ZFHX4: variants seen among roughly 807,000 people sequenced by gnomAD.
ZFHX4 encodes the protein zinc finger homeobox 4, also known as zinc finger homeobox protein 4.
Under a neutral mutation model 267.6 loss-of-function variants are expected in ZFHX4, and 56 were observed. The observed-to-expected ratio is 0.21, with a 90% CI of 0.17 to 0.26. The LOEUF is 0.26. Among genes scored for constraint, ZFHX4 ranks in the 10% least tolerant of loss-of-function variants. The pLI is 1.00. For synonymous variants in ZFHX4, 1,778 were observed against 1,665.6 expected, an observed-to-expected ratio of 1.07 and a Z score of -1.64; for missense variants, 4,332 against 4,420.0, an observed-to-expected ratio of 0.98 and a Z score of 0.56.
chr8:76,848,929 A>G (rs1387714713), intron 6 of ZFHX4, 66 bp from the exon 7 acceptor site: 3 of 1,411,010 alleles, frequency 2.1e-6, no homozygotes, highest in Admixed American at 3.3e-5. Context: ...TGTTTGAAAA[A>G]CATAATTTTT....
At chr8:76,740,170 T>C (rs2131680885) in intron 3 of ZFHX4, among the ~76,000 whole-genome samples, 1 of 152,268 alleles carries the variant, frequency 6.6e-6, no homozygotes, top group Admixed American at 6.6e-5. Flanking sequence ...GAGTCTTGTG[T>C]AAGGTTCATC....
At chr8:76,747,945 CA>C (rs1809506710) in intron 3 of ZFHX4, among the ~76,000 whole-genome samples, 1 of 151,862 alleles carries the variant, frequency 6.6e-6, no homozygotes, top group East Asian at 1.9e-4. Flanking sequence ...AACAAACAAA[CA>C]AACAAACAAA....
At chr8:76,733,137 C>T (rs74889166) in intron 3 of ZFHX4, among the ~76,000 whole-genome samples, 4 of 151,794 alleles carry the variant, frequency 2.6e-5, no homozygotes, top group African/African-American at 2.4e-5. Flanking sequence ...TCAGGGGTGG[C>T]GGTTTGGGGG....
Position 76,854,027 on chromosome 8 carries a change from A to G in ZFHX4, c.7106A>G (p.Gln2369Arg). ...VVYKHCTVSGQTDAAKNAAAP... is the reference protein window; with the variant it reads ...VVYKHCTVSGRTDAAKNAAAP... ...TACAAGCATTGCACAGTGTCTGGCCAAACGGATGCAGCTAAAAACGCTGCT... is the reference window on the plus strand; with the variant it reads ...TACAAGCATTGCACAGTGTCTGGCCGAACGGATGCAGCTAAAAACGCTGCT... Residue 2369 changes from glutamine (Q) to arginine (R), a missense_variant, in exon 10 of 11, where the codon CAA becomes CGA. Transcript: ENST00000651372. 6.2e-7 allele frequency: 1 copy of G among 1,613,962 alleles called. No homozygotes were observed. The highest frequency in any genetic ancestry group is 8.5e-7 in the Non-Finnish European group (1 of 1,179,868).
chr8:76,852,740 G>T lies in ZFHX4; in HGVS notation c.5819G>T (p.Gly1940Val), dbSNP rs1812570919. 1 of 1,613,710 alleles carries T rather than the reference G, an allele frequency of 6.2e-7. No homozygotes were observed. Among genetic ancestry groups the T allele is most frequent in the African/African-American group, 1.3e-5 (1 of 75,036 alleles). Residue 1940 changes from glycine (G) to valine (V), a missense_variant, in exon 10 of 11, where the codon GGC becomes GTC. Coordinates refer to ENST00000651372, the MANE Select transcript of ZFHX4 (RefSeq NM_024721.5). ...CAGAAGAAGGGCAAAAGTGGTGAAGGCGAAAACACTGACAAACTAGAATGT... is the reference window on the plus strand; with the variant it reads ...CAGAAGAAGGGCAAAAGTGGTGAAGTCGAAAACACTGACAAACTAGAATGT... The part of the protein sequence containing the change: ...KVQKKGKSGE[G>V]ENTDKLECGT...
intron 5 of ZFHX4, among the ~76,000 whole-genome samples, chr8:76,838,154 C>T (rs1268468662): frequency 6.6e-6 from 1 of 152,162 alleles, no homozygotes; most frequent in East Asian, 1.9e-4. Context: ...GAAAGCACTA[C>T]AAACAGTTGG....
At chr8:76,708,972 A>G (rs900596166) in intron 3 of ZFHX4, among the ~76,000 whole-genome samples, 6 of 152,204 alleles carry the variant, frequency 3.9e-5, no homozygotes, top group African/African-American at 1.4e-4. Context: ...TCATTGTAAC[A>G]AGCTCTAAAT....
At chr8:76,817,006 T>C (rs1811523720) in intron 4 of ZFHX4, among the ~76,000 whole-genome samples, 1 of 152,152 alleles carries the variant, frequency 6.6e-6, no homozygotes, top group Non-Finnish European at 1.5e-5. Flanking sequence ...AACAAACAGT[T>C]TGAGAAATGG....
At position 76,853,474 on chromosome 8, in the gene ZFHX4, C is replaced by T; in HGVS notation, c.6553C>T (p.Arg2185Ter). 2 of 1,613,690 alleles carry T rather than the reference C, an allele frequency of 1.2e-6. No individual in the cohort carries two copies. Among genetic ancestry groups the T allele is most frequent in the Non-Finnish European group, 1.7e-6 (2 of 1,179,820 alleles). Residue 2185 changes from arginine (R) to a stop codon, truncating the protein, a stop_gained, in exon 10 of 11, where the codon CGA (arginine) becomes TGA (stop). Coordinates refer to ENST00000651372, the MANE Select transcript of ZFHX4 (RefSeq NM_024721.5). LOFTEE classifies it high-confidence loss of function. ...HWFRNTLFKERQRNKDSPYNF... is the reference protein window; with the variant it reads ...HWFRNTLFKE ...GTTTAGAAATACGCTTTTTAAGGAA[C>T]GACAGAGAAATAAAGATTCACCATA...
intron 4 of ZFHX4, among the ~76,000 whole-genome samples, chr8:76,829,049 C>T (rs1390784201): frequency 6.6e-6 from 1 of 151,994 alleles, no homozygotes; most frequent in East Asian, 1.9e-4. Context: ...AACATATATC[C>T]ATTATTTTAA....
At chr8:76,708,148 G>T in intron 3 of ZFHX4, 100 bp downstream of exon 3, 1 of 1,466,248 alleles carries the variant, frequency 6.8e-7, no homozygotes, top group African/African-American at 1.4e-5. Flanking sequence ...AAAAAAAAGA[G>T]AAAAAACATC....
chr8:76,838,986 C>T (rs765131405), intron 5 of ZFHX4, among the ~76,000 whole-genome samples: 66 of 148,822 alleles, frequency 4.4e-4, no homozygotes, highest in Non-Finnish European at 6.7e-4. Flanking sequence ...ACCCAGGAGA[C>T]AGAAGTTGCA....
intron 3 of ZFHX4, among the ~76,000 whole-genome samples, chr8:76,756,073 G>T (rs1352064972): frequency 6.6e-6 from 1 of 152,146 alleles, no homozygotes; most frequent in Non-Finnish European, 1.5e-5. Flanking sequence ...CATCAAAGAA[G>T]AATCTTACTT....
At chr8:76,823,624 A>G (rs957387197) in intron 4 of ZFHX4, among the ~76,000 whole-genome samples, 8 of 152,190 alleles carry the variant, frequency 5.3e-5, no homozygotes, top group Non-Finnish European at 1.0e-4. Context: ...GTATATAACT[A>G]CATAAATCTG....
intron 6 of ZFHX4, among the ~76,000 whole-genome samples, chr8:76,848,755 AC>A: frequency 6.6e-6 from 1 of 152,282 alleles, no homozygotes; most frequent in Admixed American, 6.5e-5. Context: ...TTTCCAGGCC[AC>A]CTAGGGTTAT....
At chr8:76,727,990 G>A (rs931225839) in intron 3 of ZFHX4, among the ~76,000 whole-genome samples, 1 of 152,084 alleles carries the variant, frequency 6.6e-6, no homozygotes, top group African/African-American at 2.4e-5. Flanking sequence ...TAACCCTTTG[G>A]GGGACTTGAG....
intron 4 of ZFHX4, among the ~76,000 whole-genome samples, chr8:76,824,492 G>A (rs1437971585): frequency 6.6e-6 from 1 of 152,052 alleles, no homozygotes; most frequent in Non-Finnish European, 1.5e-5. Context: ...CTTTTGCAAG[G>A]AAAAAAACCT....
intron 3 of ZFHX4, among the ~76,000 whole-genome samples, chr8:76,770,178 TAAC>T (rs1342758598): frequency 1.3e-5 from 2 of 152,198 alleles, no homozygotes; most frequent in African/African-American, 4.8e-5. Flanking sequence ...CTATAAGTGA[TAAC>T]AAATTCTATC....
chr8:76,852,160 G>A lies in ZFHX4; in HGVS notation c.5239G>A (p.Glu1747Lys), dbSNP rs1812548220. 1.9e-6 allele frequency: 3 copies of A among 1,613,796 alleles called. No homozygotes were observed. The highest frequency in any genetic ancestry group is 8.5e-7 in the Non-Finnish European group (1 of 1,179,862). The change falls in exon 10 of 11, where the codon GAG becomes AAG. Residue 1747 changes from glutamate (E) to lysine (K), a missense_variant. Glu to Lys is a moderately conservative substitution (Grantham distance 56). Around this residue, in one of 7 missense-constraint regions of ZFHX4, gnomAD observed 1,371 missense variants for 1,423.1 expected, o/e 0.96. Transcript: ENST00000651372. The stretch of plus-strand genomic sequence containing the variant: ...CTTTCCATTTTATATACCTGGGACG[G>A]AGTTCAGCTTGGGGCCAGATTTGGG... ...FLFPFYIPGT[E>K]FSLGPDLGLP...
Sources: gnomAD v4.1 joint callset for allele counts (sites outside exome capture counted in the v4.1 genomes callset) on GRCh38, gnomAD v4.1.1 for gene constraint, gnomAD v4.1.1 regional missense constraint, MANE v1.5 for transcripts, NCBI Gene and HGNC (gene_info 2026-07-23, HGNC 2026-07-21) for gene names.